The following PTPRM variants were observed in gnomAD, a reference collection of about 807,000 sequenced individuals.
PTPRM encodes the protein receptor-type tyrosine-protein phosphatase mu.
A neutral mutation model predicts 186.7 loss-of-function variants in PTPRM; 47 were observed. The observed-to-expected ratio is 0.25, with a 90% CI of 0.20 to 0.32. The LOEUF is 0.32. Among genes scored for constraint, PTPRM ranks in the 10% least tolerant of loss-of-function variants. The probability of loss-of-function intolerance (pLI) is 1.00; values close to 1 mark genes in which losing one functional copy is unlikely to be tolerated. For missense variants in PTPRM, 1,494 were observed against 1,865.0 expected (o/e 0.80, Z 3.66); for synonymous variants, 668 against 674.9 (o/e 0.99, Z 0.16).
intron 11 of PTPRM, among the ~76,000 whole-genome samples, chr18:8,110,521 G>A (rs964284514): frequency 6.6e-6 from 1 of 152,152 alleles, no homozygotes; most frequent in African/African-American, 2.4e-5. Flanking sequence ...GAAAGTCTAG[G>A]AGCAGCTGTG....
intron 1 of PTPRM, among the ~76,000 whole-genome samples, chr18:7,586,985 T>C (rs78274437): frequency 6.6e-6 from 1 of 152,356 alleles, no homozygotes; most frequent in East Asian, 1.9e-4. Context: ...TCCCATTTTC[T>C]TTCCCTATAG....
chr18:8,359,146 C>A (rs553816539), intron 23 of PTPRM, among the ~76,000 whole-genome samples: 40 of 152,312 alleles, frequency 2.6e-4, no homozygotes, highest in African/African-American at 9.1e-4. Flanking sequence ...CGATGAAATA[C>A]AAATCAGGCT....
chr18:8,082,807 A>G (rs964207334), intron 9 of PTPRM, among the ~76,000 whole-genome samples: 4 of 151,788 alleles, frequency 2.6e-5, no homozygotes, highest in East Asian at 3.9e-4. Context: ...TCACAGCTTC[A>G]TGTCATACAT....
chr18:8,142,743 G>T (rs184983448), intron 13 of PTPRM, among the ~76,000 whole-genome samples: 49 of 152,300 alleles, frequency 3.2e-4, no homozygotes, highest in Non-Finnish European at 1.5e-5. Context: ...GGGTGGTGTG[G>T]CTCAGAGCAT....
intron 19 of PTPRM, among the ~76,000 whole-genome samples, chr18:8,289,623 T>C (rs143799136): frequency 0.026 from 3,764 of 142,200 alleles, 117 homozygotes; most frequent in Non-Finnish European, 0.044. Flanking sequence ...TATATACACA[T>C]ATATATATAC....
intron 1 of PTPRM, among the ~76,000 whole-genome samples, chr18:7,773,045 G>A (rs1370761074): frequency 2.6e-5 from 4 of 152,126 alleles, no homozygotes; most frequent in Admixed American, 6.5e-5. Context: ...AATCATCAAC[G>A]TGCTGAATGC....
At chr18:8,141,475 T>C (rs971067795) in intron 13 of PTPRM, among the ~76,000 whole-genome samples, 6 of 152,344 alleles carry the variant, frequency 3.9e-5, no homozygotes, top group African/African-American at 1.2e-4. Context: ...TGCATGCTGC[T>C]TCCTAAAGGG....
At position 7,744,914 on chromosome 18, in the gene PTPRM, A is replaced by G. The variant is rs138921285; in HGVS notation, c.74-29235A>G. The stretch of plus-strand genomic sequence containing the variant: ...GGGGATCAGAGTCTGAAGTCAGAAT[A>G]CTAGCCCTGAACCCCAGCATGCCAT... On this transcript the variant is annotated intron_variant, in intron 1 of 32. Transcript: ENST00000580170. Among the ~76,000 whole-genome samples, 1,302 of 152,296 alleles carry G rather than the reference A, an allele frequency of 8.5e-3. 25 individuals are homozygous for G. The highest frequency in any genetic ancestry group is 0.026 in the African/African-American group (1,100 of 41,554).
At chr18:8,004,917 G>C (rs746330137) in intron 7 of PTPRM, among the ~76,000 whole-genome samples, 1 of 152,002 alleles carries the variant, frequency 6.6e-6, no homozygotes, top group Non-Finnish European at 1.5e-5. Flanking sequence ...CCCTCAAATG[G>C]TTCCCCCTCA....
chr18:7,734,675 A>G (rs2040730244), intron 1 of PTPRM, among the ~76,000 whole-genome samples: 1 of 152,190 alleles, frequency 6.6e-6, no homozygotes, highest in East Asian at 1.9e-4. Context: ...ATGGAATTTT[A>G]CTACTCCTTG....
chr18:7,679,557 C>T (rs1461319560), intron 1 of PTPRM, among the ~76,000 whole-genome samples: 5 of 152,042 alleles, frequency 3.3e-5, no homozygotes, highest in African/African-American at 4.8e-5. Context: ...CCCAGCTATT[C>T]GGGAGGCCGA....
chr18:7,881,865 C>T (rs1277981564), intron 2 of PTPRM, among the ~76,000 whole-genome samples: 2 of 152,190 alleles, frequency 1.3e-5, no homozygotes, highest in Non-Finnish European at 2.9e-5. Context: ...TGTCCACTTG[C>T]TTCCCACTTT....
Position 8,143,656 on chromosome 18 carries a change from C to A in PTPRM, c.2177C>A (p.Thr726Asn), listed in dbSNP as rs1371038531. The A allele has an allele frequency of 6.3e-7, 1 of 1,598,192 alleles. No individual in the cohort carries two copies. Among genetic ancestry groups the A allele is most frequent in the Non-Finnish European group, 8.6e-7 (1 of 1,165,582 alleles). The change falls in exon 14 of 33, where the codon ACT becomes AAT. Residue 726 changes from threonine to asparagine, a missense_variant. Around this residue, in one of 3 missense-constraint regions of PTPRM, gnomAD observed 1,107 missense variants for 1,350.2 expected, o/e 0.82. Coordinates refer to ENST00000580170, the MANE Select transcript of PTPRM (RefSeq NM_001105244.2). ...CVQVATKGAA[T>N]PKPVPEPEKQ... ...TTCCTTTCATCTTCAGGAGCTGCCA[C>A]TCCGAAACCAGTCCCAGAACCCGAG...
At chr18:8,072,022 T>G (rs1367758462) in intron 8 of PTPRM, among the ~76,000 whole-genome samples, 1 of 152,228 alleles carries the variant, frequency 6.6e-6, no homozygotes, top group Non-Finnish European at 1.5e-5. Flanking sequence ...CCACTCATGA[T>G]TCTTCTTTGC....
At chr18:7,664,465 C>T (rs78856132) in intron 1 of PTPRM, among the ~76,000 whole-genome samples, 2,063 of 152,328 alleles carry the variant, frequency 0.014, 44 homozygotes, top group African/African-American at 0.046. Context: ...CTCATATCCA[C>T]GGCCCTAAGC....
intron 14 of PTPRM, among the ~76,000 whole-genome samples, chr18:8,217,194 A>G (rs141691997): frequency 6.6e-6 from 1 of 152,332 alleles, no homozygotes; most frequent in Non-Finnish European, 1.5e-5. Context: ...CTGAAATTGC[A>G]GCAGAGAGTA....
intron 1 of PTPRM, among the ~76,000 whole-genome samples, chr18:7,739,251 G>A (rs529606799): frequency 6.6e-6 from 1 of 152,060 alleles, no homozygotes; most frequent in Non-Finnish European, 1.5e-5. Context: ...TCGACGTTGA[G>A]TTCTTTGACA....
chr18:8,259,906 T>C (rs1169988409), intron 19 of PTPRM, among the ~76,000 whole-genome samples: 1 of 152,116 alleles, frequency 6.6e-6, no homozygotes, highest in African/African-American at 2.4e-5. Flanking sequence ...CCTCCCAAAG[T>C]GTTGGGATTA....
chr18:7,596,699 G>C (rs2037270754), intron 1 of PTPRM, among the ~76,000 whole-genome samples: 1 of 152,074 alleles, frequency 6.6e-6, no homozygotes. Flanking sequence ...TGGGGTACAA[G>C]GGGGGACTGC....
Sources: gnomAD v4.1 joint callset for allele counts (sites outside exome capture counted in the v4.1 genomes callset) on GRCh38, gnomAD v4.1.1 for gene constraint, gnomAD v4.1.1 regional missense constraint, MANE v1.5 for transcripts, NCBI Gene and HGNC (gene_info 2026-07-23, HGNC 2026-07-21) for gene names.